The following TEX36 variants were observed in gnomAD, a reference collection of about 807,000 sequenced individuals.
The protein encoded by TEX36 is testis expressed 36, also known as testis-expressed protein 36.
Under a neutral mutation model 13.6 loss-of-function variants are expected in TEX36, and 12 were observed. The ratio of observed to expected loss-of-function variants is 0.88; its 90% confidence interval spans 0.56 to 1.43. The LOEUF is 1.43. TEX36 is among the 40% of genes most tolerant of loss of function. TEX36 has a pLI of 0.00. For missense variants in TEX36, 224 were observed against 228.3 expected, an observed-to-expected ratio of 0.98 and a Z score of 0.12; for synonymous variants, 93 against 83.0, an observed-to-expected ratio of 1.12 and a Z score of -0.65.
chr10:125,621,576 A>C (rs1395897022), downstream of TEX36: 1 of 455,966 alleles, frequency 2.2e-6, no homozygotes, highest in South Asian at 1.5e-5. Flanking sequence ...GTATGTATAA[A>C]ATGGAGTTTT....
chr10:125,670,447 C>T (rs1170569088), intron 1 of TEX36, among the ~76,000 whole-genome samples: 1 of 151,628 alleles, frequency 6.6e-6, no homozygotes, highest in Non-Finnish European at 1.5e-5. Flanking sequence ...GGGTTTTTTT[C>T]TTGTAAATTT....
chr10:125,586,022 G>T (rs1263196020), intron 3 of TEX36, among the ~76,000 whole-genome samples: 1 of 152,208 alleles, frequency 6.6e-6, no homozygotes, highest in Non-Finnish European at 1.5e-5. Flanking sequence ...CTGACTTGTG[G>T]TATTTTATCT....
intron 1 of TEX36, among the ~76,000 whole-genome samples, chr10:125,679,647 C>T (rs117707514): frequency 2.0e-5 from 3 of 152,228 alleles, no homozygotes; most frequent in African/African-American, 7.2e-5. Context: ...GGCTCCCAGC[C>T]GATCCCGGCC....
Position 125,584,410 on chromosome 10 carries a change from A to G in TEX36, c.265-7536T>C, listed in dbSNP as rs114655546. On this transcript the variant is annotated intron_variant, in intron 3 of 3. Coordinates refer to the TEX36 transcript ENST00000532135. ...TAAGAGTATAAAAATAATCCTCGTA[A>G]TCCTACCCCTAATTTTAACAGCCAT... Among the ~76,000 whole-genome samples, 630 of 152,338 alleles carry G rather than the reference A, an allele frequency of 4.1e-3. 5 individuals are homozygous for G. The highest frequency in any genetic ancestry group is 0.014 in the African/African-American group (568 of 41,568).
chr10:125,668,396 G>C (rs1847162587), intron 1 of TEX36, among the ~76,000 whole-genome samples: 1 of 151,796 alleles, frequency 6.6e-6, no homozygotes, highest in African/African-American at 2.4e-5. Context: ...AATCTTGGTA[G>C]GTTGTATGTT....
At chr10:125,616,908 G>A (rs548488081), downstream of TEX36, among the ~76,000 whole-genome samples, 3 of 151,894 alleles carry the variant, frequency 2.0e-5, no homozygotes, top group South Asian at 4.2e-4. Context: ...CATTATTAAT[G>A]TGTGGGAGTC....
chr10:125,605,633 G>C (rs1009125281), intron 3 of TEX36, among the ~76,000 whole-genome samples: 4 of 151,884 alleles, frequency 2.6e-5, no homozygotes, highest in African/African-American at 7.3e-5. Flanking sequence ...ATGGAGTCTC[G>C]CTCTGTCACC....
intron 3 of TEX36, among the ~76,000 whole-genome samples, chr10:125,593,105 G>T (rs1159204106): frequency 6.6e-6 from 1 of 152,160 alleles, no homozygotes; most frequent in Non-Finnish European, 1.5e-5. Context: ...ACTGAGGGTG[G>T]GAGGTGGGGC....
chr10:125,605,129 A>G (rs11244574), intron 3 of TEX36, among the ~76,000 whole-genome samples: 160 of 152,332 alleles, frequency 1.1e-3, no homozygotes, highest in African/African-American at 3.5e-3. Context: ...GGGGAGAAGG[A>G]TGCTAGTGGG....
chr10:125,609,765 T>G (rs1846267992), intron 3 of TEX36, among the ~76,000 whole-genome samples: 1 of 152,170 alleles, frequency 6.6e-6, no homozygotes, highest in African/African-American at 2.4e-5. Flanking sequence ...ACACCACATG[T>G]TTATTGATCA....
chr10:125,582,262 T>C (rs1845892592), intron 3 of TEX36, among the ~76,000 whole-genome samples: 1 of 152,232 alleles, frequency 6.6e-6, no homozygotes, highest in Non-Finnish European at 1.5e-5. Context: ...ACTTCAGTGA[T>C]GTCTAGCTGT....
At chr10:125,660,649 T>C (rs1334839374) in intron 3 of TEX36, among the ~76,000 whole-genome samples, 1 of 152,120 alleles carries the variant, frequency 6.6e-6, no homozygotes, top group African/African-American at 2.4e-5. Flanking sequence ...TTATGTAAGC[T>C]CCTCCTCCTT....
chr10:125,677,165 T>C (rs1337014024), intron 1 of TEX36, among the ~76,000 whole-genome samples: 3 of 152,222 alleles, frequency 2.0e-5, no homozygotes, highest in African/African-American at 4.8e-5. Flanking sequence ...AGTCTGACTA[T>C]AACATTTCAT....
chr10:125,675,519 T>C (rs1847297746), intron 1 of TEX36, among the ~76,000 whole-genome samples: 1 of 152,206 alleles, frequency 6.6e-6, no homozygotes, highest in African/African-American at 2.4e-5. Flanking sequence ...CCTAAGGCCC[T>C]GGTGGTGTGG....
At chr10:125,662,839 G>T (rs1293480759) in intron 1 of TEX36, among the ~76,000 whole-genome samples, 1 of 152,222 alleles carries the variant, frequency 6.6e-6, no homozygotes, top group East Asian at 1.9e-4. Flanking sequence ...CCAGCAGCCA[G>T]AGTGATGAGT....
intron 3 of TEX36, among the ~76,000 whole-genome samples, chr10:125,579,833 C>T (rs984359435): frequency 7.9e-5 from 12 of 152,088 alleles, no homozygotes; most frequent in South Asian, 4.1e-4. Context: ...TTCCTGAGGC[C>T]TCCCCAGCCA....
At chr10:125,659,977 G>C (rs1410672771) in intron 3 of TEX36, among the ~76,000 whole-genome samples, 1 of 152,158 alleles carries the variant, frequency 6.6e-6, no homozygotes, top group African/African-American at 2.4e-5. Context: ...TGATATGTGA[G>C]TTGTCTACGT....
downstream of TEX36, among the ~76,000 whole-genome samples, chr10:125,650,743 T>C (rs1487470348): frequency 6.6e-6 from 1 of 152,080 alleles, no homozygotes; most frequent in Admixed American, 6.6e-5. Context: ...ACAAAATTGA[T>C]AGACCACTAG....
At chr10:125,600,648 A>G (rs1362551740) in intron 3 of TEX36, among the ~76,000 whole-genome samples, 1 of 152,188 alleles carries the variant, frequency 6.6e-6, no homozygotes, top group African/African-American at 2.4e-5. Flanking sequence ...CCCCAGTGAT[A>G]CCCCAGGGTC....
Sources: allele counts gnomAD v4.1 joint callset (sites outside exome capture counted in the v4.1 genomes callset), GRCh38; gene constraint gnomAD v4.1.1; transcripts MANE v1.5; gene names NCBI Gene and HGNC (gene_info 2026-07-23, HGNC 2026-07-21).